HDAC9: variants seen among roughly 807,000 people sequenced by gnomAD.
The protein encoded by HDAC9 is MEF-2 interacting transcription repressor (MITR) protein.
In HDAC9, 41 loss-of-function variants were observed where a neutral mutation model predicts 139.4. The ratio of observed to expected loss-of-function variants is 0.29; its 90% CI spans 0.23 to 0.38. The LOEUF (loss-of-function observed/expected upper bound fraction) is 0.38. HDAC9 is among the 10% of genes least tolerant of loss of function. HDAC9 has a pLI of 1.00. For missense variants in HDAC9, 1,147 were observed against 1,297.0 expected, an observed-to-expected ratio of 0.88 and a Z score of 1.78; for synonymous variants, 517 against 476.2, an observed-to-expected ratio of 1.09 and a Z score of -1.12.
At chr7:18,960,599 G>A (rs1296691381) in intron 24 of HDAC9, among the ~76,000 whole-genome samples, 1 of 152,062 alleles carries the variant, frequency 6.6e-6, no homozygotes, top group Non-Finnish European at 1.5e-5. Context: ...CACTGTCAAT[G>A]TATTAGAATG....
intron 22 of HDAC9, among the ~76,000 whole-genome samples, 189 bp from the exon 23 acceptor site, chr7:18,935,620 T>A (rs1195827919): frequency 6.6e-6 from 1 of 152,200 alleles, no homozygotes; most frequent in African/African-American, 2.4e-5. Flanking sequence ...TCTTGGGCTT[T>A]GGGTCCCTTA....
At chr7:18,129,413 A>T (rs1232471990) in intron 1 of HDAC9, among the ~76,000 whole-genome samples, 1 of 152,036 alleles carries the variant, frequency 6.6e-6, no homozygotes, top group Non-Finnish European at 1.5e-5. Flanking sequence ...TTTAAGTTTT[A>T]ATTAATAAGC....
chr7:18,200,080 A>T (rs905264566), intron 2 of HDAC9, among the ~76,000 whole-genome samples: 3 of 152,328 alleles, frequency 2.0e-5, no homozygotes, highest in East Asian at 1.9e-4. Flanking sequence ...CATTTGTAAC[A>T]TTTTGTACCT....
At chr7:18,457,792 C>A (rs912805897) in intron 1 of HDAC9, among the ~76,000 whole-genome samples, 1 of 150,838 alleles carries the variant, frequency 6.6e-6, no homozygotes, top group Non-Finnish European at 1.5e-5. Context: ...TGTTTGAAAT[C>A]ACCTATTTTC....
intron 2 of HDAC9, among the ~76,000 whole-genome samples, chr7:18,249,512 A>C (rs963266482): frequency 6.3e-4 from 93 of 147,860 alleles, no homozygotes; most frequent in Non-Finnish European, 8.2e-4. Flanking sequence ...CAAAAAAAAA[A>C]AAAAAAAAAA....
intron 12 of HDAC9, among the ~76,000 whole-genome samples, chr7:18,704,231 A>T (rs1430221686): frequency 6.6e-6 from 1 of 152,204 alleles, no homozygotes; most frequent in African/African-American, 2.4e-5. Context: ...AAAGTATCGG[A>T]TTCACCAAGG....
rs201418521 is a variant in HDAC9, at chr7:18,835,502, T to C, written c.2502T>C (p.Phe834=). Residue 834 remains phenylalanine (F), a synonymous_variant, in exon 20 of 26, where the codon TTT becomes TTC. Transcript: ENST00000686413. ...ATGGAAACGGTACCCAGCAGGCCTTTTATGCTGACCCCAGCATCCTGTACA... is the reference window on the plus strand; with the variant it reads ...ATGGAAACGGTACCCAGCAGGCCTTCTATGCTGACCCCAGCATCCTGTACA... ...VHHGNGTQQA[F]YADPSILYIS... is the part of the protein sequence containing the mutation. 1.2e-6 allele frequency: 2 copies of C among 1,613,624 alleles called. No homozygotes were observed. Among genetic ancestry groups the C allele is most frequent in the East Asian group, 4.5e-5 (2 of 44,858 alleles).
At chr7:18,543,308 C>G (rs1449892401) in intron 2 of HDAC9, 1 of 152,122 alleles carries the variant, frequency 6.6e-6, no homozygotes, top group Non-Finnish European at 1.5e-5. Flanking sequence ...GATGTGGAGA[C>G]CCAAAATGGC....
At chr7:18,394,931 T>A (rs1786882948) in intron 1 of HDAC9, among the ~76,000 whole-genome samples, 1 of 152,186 alleles carries the variant, frequency 6.6e-6, no homozygotes, top group African/African-American at 2.4e-5. Context: ...TAACATAATT[T>A]AACAAAATAA....
intron 2 of HDAC9, among the ~76,000 whole-genome samples, chr7:18,240,224 C>G (rs1158462832): frequency 6.6e-6 from 1 of 152,058 alleles, no homozygotes; most frequent in Non-Finnish European, 1.5e-5. Flanking sequence ...CCTCATGATT[C>G]TTCCTATTTG....
At chr7:18,272,325 G>A (rs927834527) in intron 2 of HDAC9, among the ~76,000 whole-genome samples, 2 of 152,084 alleles carry the variant, frequency 1.3e-5, no homozygotes, top group African/African-American at 4.8e-5. Flanking sequence ...TTTCTTGACG[G>A]GGGCATATTT....
At chr7:18,730,522 A>G (rs532409719) in intron 13 of HDAC9, among the ~76,000 whole-genome samples, 5 of 152,172 alleles carry the variant, frequency 3.3e-5, no homozygotes, top group Non-Finnish European at 7.4e-5. Flanking sequence ...TCTTATCTGC[A>G]TGGGGGCTAT....
chr7:18,669,867 A>G (rs946202088), intron 12 of HDAC9, among the ~76,000 whole-genome samples: 4 of 151,784 alleles, frequency 2.6e-5, no homozygotes, highest in Non-Finnish European at 5.9e-5. Context: ...TCACCTTCTC[A>G]TTGGTGAAGG....
intron 1 of HDAC9, among the ~76,000 whole-genome samples, chr7:18,385,927 A>C (rs868639664): frequency 9.9e-5 from 15 of 152,150 alleles, no homozygotes; most frequent in East Asian, 3.9e-4. Context: ...CAAAAAAAAA[A>C]CTCACATTCC....
At chr7:18,351,112 C>A (rs1782815360) in intron 1 of HDAC9, among the ~76,000 whole-genome samples, 1 of 151,940 alleles carries the variant, frequency 6.6e-6, no homozygotes, top group African/African-American at 2.4e-5. Flanking sequence ...ATAGTTTTTT[C>A]TGCTTTATTT....
intron 6 of HDAC9, among the ~76,000 whole-genome samples, chr7:18,607,189 C>G (rs560191293): frequency 6.6e-6 from 1 of 152,208 alleles, no homozygotes; most frequent in Admixed American, 6.5e-5. Context: ...ATTTGTATGA[C>G]AAGTAGTTGG....
chr7:18,339,557 A>G (rs1488043716), intron 1 of HDAC9, among the ~76,000 whole-genome samples: 1 of 151,502 alleles, frequency 6.6e-6, no homozygotes, highest in East Asian at 1.9e-4. Flanking sequence ...CATTGTGTAT[A>G]TGTAGTTCAA....
intron 1 of HDAC9, among the ~76,000 whole-genome samples, chr7:18,133,113 G>T (rs527971307): frequency 2.6e-5 from 4 of 151,992 alleles, no homozygotes; most frequent in Non-Finnish European, 5.9e-5. Context: ...CCCACCCTCA[G>T]CTCACCATCC....
chr7:18,762,329 T>G (rs1584992920), intron 15 of HDAC9, 52 bp downstream of exon 15: 1 of 1,593,552 alleles, frequency 6.3e-7, no homozygotes, highest in East Asian at 2.2e-5. Context: ...GCACTATCAT[T>G]AGTCAACGCT....
Sources: gnomAD v4.1 joint callset for allele counts (sites outside exome capture counted in the v4.1 genomes callset) on GRCh38, gnomAD v4.1.1 for gene constraint, MANE v1.5 for transcripts, NCBI Gene and HGNC (gene_info 2026-07-23, HGNC 2026-07-21) for gene names.